Variants in CTNNA3 observed in about 807,000 individuals in gnomAD.
The protein encoded by CTNNA3 is catenin alpha 3, also known as catenin alpha-3.
CTNNA3 carries 76 observed loss-of-function variants against 95.7 expected under a neutral mutation model. That is an observed-to-expected ratio of 0.79 (90% CI 0.66 to 0.96). The LOEUF is 0.96. Among genes scored for constraint, CTNNA3 ranks in the 40% least tolerant of loss-of-function variants. The probability of loss-of-function intolerance (pLI) is 0.00; values close to 1 mark genes in which losing one functional copy is unlikely to be tolerated. For synonymous variants in CTNNA3, 431 were observed against 374.4 expected (o/e 1.15, Z -1.74); for missense variants, 1,191 against 1,089.8 (o/e 1.09, Z -1.31).
intron 11 of CTNNA3, among the ~76,000 whole-genome samples, chr10:66,400,014 C>T (rs2093008056): frequency 6.6e-6 from 1 of 151,736 alleles, no homozygotes; most frequent in South Asian, 2.1e-4. Context: ...AAATTAAGAT[C>T]CTAAAGGCAT....
At chr10:67,559,712 C>A (rs868811220) in intron 3 of CTNNA3, among the ~76,000 whole-genome samples, 1 of 152,018 alleles carries the variant, frequency 6.6e-6, no homozygotes, top group Admixed American at 6.6e-5. Flanking sequence ...AAATTCAAAT[C>A]AAAGGCAAAG....
intron 7 of CTNNA3, among the ~76,000 whole-genome samples, chr10:66,886,067 A>G (rs2132479332): frequency 6.6e-6 from 1 of 152,262 alleles, no homozygotes; most frequent in South Asian, 2.1e-4. Context: ...ATAGCCTCTA[A>G]GTCCTTTTGC....
intron 17 of CTNNA3, 29 bp downstream of exon 17, chr10:65,966,583 T>C: frequency 6.3e-7 from 1 of 1,580,344 alleles, no homozygotes; most frequent in South Asian, 1.2e-5. Context: ...CTTCCACCTG[T>C]GATCATGTAA....
intron 15 of CTNNA3, among the ~76,000 whole-genome samples, chr10:66,013,929 T>G (rs1438914240): frequency 6.6e-6 from 1 of 152,156 alleles, no homozygotes; most frequent in Non-Finnish European, 1.5e-5. Context: ...CTGTTTGCCT[T>G]GACTAGATTA....
intron 13 of CTNNA3, among the ~76,000 whole-genome samples, chr10:66,269,554 G>C (rs2091232054): frequency 1.3e-5 from 2 of 152,010 alleles, no homozygotes; most frequent in Non-Finnish European, 2.9e-5. Flanking sequence ...TATATTTTAT[G>C]ACTTTAATTA....
At chr10:66,359,206 G>A (rs988656599) in intron 12 of CTNNA3, among the ~76,000 whole-genome samples, 25 of 152,102 alleles carry the variant, frequency 1.6e-4, no homozygotes, top group African/African-American at 6.0e-4. Context: ...GCTGGAGACA[G>A]TTTTACAGGC....
chr10:65,963,816 G>T (rs764104752), intron 17 of CTNNA3, among the ~76,000 whole-genome samples: 33 of 152,124 alleles, frequency 2.2e-4, no homozygotes, highest in Non-Finnish European at 4.4e-4. Context: ...ATGTAAGAAT[G>T]ATTGTGGAAT....
At chr10:66,261,667 T>C (rs1013135202) in intron 13 of CTNNA3, among the ~76,000 whole-genome samples, 2 of 152,160 alleles carry the variant, frequency 1.3e-5, no homozygotes, top group Middle Eastern at 3.4e-3. Flanking sequence ...CCTGAATATT[T>C]GTATCCCCAT....
chr10:66,413,685 T>C (rs1259624988), intron 11 of CTNNA3, among the ~76,000 whole-genome samples: 2 of 152,324 alleles, frequency 1.3e-5, no homozygotes, highest in Admixed American at 6.5e-5. Context: ...CTCAGGAGTC[T>C]TAATATTTCC....
rs540279888 is a variant in CTNNA3 at position 67,343,749 on chromosome 10, C to A, written c.580-123879G>T. ...TCCAATTGGATGCTCTTTATTTTTT[C>A]TCTTGTCTGATTGCTCTATCTAGGA... On this transcript the variant is annotated intron_variant, in intron 5 of 17. Transcript: ENST00000433211. 9.2e-4 allele frequency among the ~76,000 whole-genome samples: 139 copies of A among 151,572 alleles called. No individual in the cohort carries two copies. The Middle Eastern group carries it at 0.017, about 19-fold the overall frequency.
intron 7 of CTNNA3, among the ~76,000 whole-genome samples, chr10:67,058,816 C>T (rs187541281): frequency 2.0e-5 from 3 of 152,194 alleles, no homozygotes; most frequent in Admixed American, 2.0e-4. Flanking sequence ...AATCTGAGTT[C>T]TAGGCTGTTT....
chr10:67,162,515 C>A (rs1446754951), intron 7 of CTNNA3, among the ~76,000 whole-genome samples: 2 of 151,724 alleles, frequency 1.3e-5, no homozygotes, highest in African/African-American at 4.8e-5. Context: ...AGAAAACATT[C>A]CAGCTCTCAC....
intron 15 of CTNNA3, among the ~76,000 whole-genome samples, chr10:66,043,956 C>CTGTGTGTGTGTGTG (rs59559225): frequency 1.8e-3 from 266 of 144,456 alleles, no homozygotes; most frequent in Non-Finnish European, 3.3e-3. Context: ...TAGGACTATG[C>CTGTGTGTGTGTGTG]TGTGTGTGTG....
intron 7 of CTNNA3, among the ~76,000 whole-genome samples, chr10:67,005,680 A>ATTTTTTTTTT (rs1564825972): frequency 3.8e-5 from 1 of 26,372 alleles, no homozygotes. Context: ...ATTTTACTCC[A>ATTTTTTTTTT]TCTTTTTTTT....
At chr10:67,762,377 C>A (rs1841466327) in intron 1 of CTNNA3, among the ~76,000 whole-genome samples, 1 of 149,476 alleles carries the variant, frequency 6.7e-6, no homozygotes, top group Admixed American at 6.6e-5. Context: ...TTTCCCCTCC[C>A]CCCCCCAAAA....
At chr10:66,282,221 T>G (rs1051072849) in intron 12 of CTNNA3, among the ~76,000 whole-genome samples, 2 of 151,746 alleles carry the variant, frequency 1.3e-5, no homozygotes, top group Non-Finnish European at 3.0e-5. Flanking sequence ...AGCAAACTCA[T>G]ACCACTTTGC....
chr10:66,940,889 T>A (rs1357897726), intron 7 of CTNNA3, among the ~76,000 whole-genome samples: 1 of 152,206 alleles, frequency 6.6e-6, no homozygotes, highest in Non-Finnish European at 1.5e-5. Context: ...TCTAAATGTT[T>A]CTGTATGCTC....
chr10:67,080,634 G>C (rs1856998737), intron 7 of CTNNA3, among the ~76,000 whole-genome samples: 1 of 152,124 alleles, frequency 6.6e-6, no homozygotes, highest in Non-Finnish European at 1.5e-5. Context: ...TAACGGCCGG[G>C]CATGGTGGCT....
intron 5 of CTNNA3, among the ~76,000 whole-genome samples, chr10:67,408,106 G>GA (rs1845208419): frequency 6.6e-6 from 1 of 152,164 alleles, no homozygotes; most frequent in Non-Finnish European, 1.5e-5. Context: ...CAAACAAATG[G>GA]AAAATCATTC....
Sources: gnomAD v4.1 joint callset for allele counts (sites outside exome capture counted in the v4.1 genomes callset) on GRCh38, gnomAD v4.1.1 for gene constraint, MANE v1.5 for transcripts, NCBI Gene and HGNC (gene_info 2026-07-23, HGNC 2026-07-21) for gene names.